The following ZNF143 variants were observed in gnomAD, a reference collection of about 807,000 sequenced individuals.
The protein encoded by ZNF143 is zinc finger protein 143.
Under a neutral mutation model 74.1 loss-of-function variants are expected in ZNF143, and 49 were observed. That is an observed-to-expected ratio of 0.66 (90% CI 0.53 to 0.84). The LOEUF is 0.84. Among genes scored for constraint, ZNF143 ranks in the 40% least tolerant of loss-of-function variants. The pLI is 0.00. For synonymous variants in ZNF143, 304 were observed against 282.8 expected (o/e 1.07, Z -0.75); for missense variants, 637 against 793.4 (o/e 0.80, Z 2.37).
chr11:9,512,119 T>G (rs1565061584), intron 12 of ZNF143, among the ~76,000 whole-genome samples: 2 of 152,178 alleles, frequency 1.3e-5, no homozygotes. Context: ...ATTTGCTAGT[T>G]TTCCTGTACA....
chr11:9,466,903 TG>T (rs1311053662), intron 1 of ZNF143, among the ~76,000 whole-genome samples: 1 of 151,612 alleles, frequency 6.6e-6, no homozygotes, highest in Admixed American at 6.6e-5. Context: ...TGTGTGTGTG[TG>T]TTTTTTTGAC....
chr11:9,485,843 T>C (rs558370055), intron 7 of ZNF143, among the ~76,000 whole-genome samples: 3 of 151,662 alleles, frequency 2.0e-5, no homozygotes, highest in Admixed American at 6.6e-5. Flanking sequence ...TTGTAAGTTA[T>C]AGCTGCCATG....
At chr11:9,496,493 G>GT in intron 9 of ZNF143, 115 bp downstream of exon 9, 1 of 834,004 alleles carries the variant, frequency 1.2e-6, no homozygotes, top group Non-Finnish European at 2.0e-6. Context: ...CACATGATCA[G>GT]TTTTTCAGTC....
At chr11:9,496,844 C>T (rs1292557301) in intron 9 of ZNF143, among the ~76,000 whole-genome samples, 8 of 151,988 alleles carry the variant, frequency 5.3e-5, no homozygotes, top group Non-Finnish European at 8.8e-5. Context: ...GTAATCCGTC[C>T]GCCTCGGCCT....
chr11:9,465,210 G>A (rs946289642), intron 1 of ZNF143, among the ~76,000 whole-genome samples: 13 of 151,894 alleles, frequency 8.6e-5, no homozygotes, highest in East Asian at 1.9e-4. Context: ...GTTTTGAGAC[G>A]GAGTCTTACT....
chr11:9,528,483 A>G lies in ZNF143; in HGVS notation c.*870A>G, dbSNP rs1458818756. The stretch of plus-strand genomic sequence containing the variant: ...TTGTTTTAAAGCTTATTTACCCCAA[A>G]GTTTATTATTAATTTTGAATACAGC... On this transcript the variant is annotated 3_prime_UTR_variant, in exon 16 of 16. Transcript: ENST00000396602. 2.0e-5 allele frequency: 3 copies of G among 152,078 alleles called. No homozygotes were observed. Among genetic ancestry groups the G allele is most frequent in the African/African-American group, 7.2e-5 (3 of 41,402 alleles). The allele number at this position is 152,078 out of a possible 1,614,324, so 9.4% of individuals were successfully genotyped here. A position where few individuals can be genotyped will look rare whatever the true frequency, so the allele number is the denominator to read the frequency against.
At chr11:9,463,339 C>T (rs1297476057) in intron 1 of ZNF143, among the ~76,000 whole-genome samples, 1 of 152,156 alleles carries the variant, frequency 6.6e-6, no homozygotes, top group East Asian at 1.9e-4. Flanking sequence ...TATGTTCAAC[C>T]TTTTGAGGTA....
intron 1 of ZNF143, among the ~76,000 whole-genome samples, chr11:9,462,411 A>G (rs541992709): frequency 6.6e-6 from 1 of 151,948 alleles, no homozygotes; most frequent in Non-Finnish European, 1.5e-5. Context: ...TACAAAAAAA[A>G]TTTTTTTTAA....
At chr11:9,521,578 T>G (rs1257396587) in intron 14 of ZNF143, among the ~76,000 whole-genome samples, 1 of 151,624 alleles carries the variant, frequency 6.6e-6, no homozygotes, top group African/African-American at 2.4e-5. Flanking sequence ...TTTGTTTTTT[T>G]TTTGTTGTTG....
intron 12 of ZNF143, among the ~76,000 whole-genome samples, chr11:9,510,607 A>G (rs1848507252): frequency 6.6e-6 from 1 of 152,216 alleles, no homozygotes; most frequent in Non-Finnish European, 1.5e-5. Context: ...AACAGAACAA[A>G]AAGGAATGAA....
intron 1 of ZNF143, among the ~76,000 whole-genome samples, chr11:9,470,146 G>A (rs957881099): frequency 1.3e-5 from 2 of 152,204 alleles, no homozygotes; most frequent in Non-Finnish European, 2.9e-5. Flanking sequence ...GTCCACAGAG[G>A]TAAGGAGACC....
At chr11:9,469,970 A>G (rs926275710) in intron 1 of ZNF143, among the ~76,000 whole-genome samples, 2 of 152,216 alleles carry the variant, frequency 1.3e-5, no homozygotes, top group African/African-American at 4.8e-5. Context: ...GCAATCCTAA[A>G]CGTAAAAAGA....
At chr11:9,472,583 G>A in intron 2 of ZNF143, 94 bp from the exon 3 acceptor site, 1 of 1,123,538 alleles carries the variant, frequency 8.9e-7, no homozygotes, top group Non-Finnish European at 1.3e-6. Flanking sequence ...GAGTTAAGCA[G>A]TTTACCTTTT....
At chr11:9,475,751 G>T (rs1319303649) in intron 5 of ZNF143, among the ~76,000 whole-genome samples, 1 of 152,106 alleles carries the variant, frequency 6.6e-6, no homozygotes, top group African/African-American at 2.4e-5. Flanking sequence ...ACAAAAATTA[G>T]CCAGTTGTGG....
intron 7 of ZNF143, among the ~76,000 whole-genome samples, chr11:9,486,491 G>T (rs1847556714): frequency 9.7e-6 from 1 of 102,800 alleles, no homozygotes; most frequent in Non-Finnish European, 1.9e-5. Flanking sequence ...TGAGGTATCA[G>T]GAATCCTGTC....
At chr11:9,465,163 C>T (rs1414775412) in intron 1 of ZNF143, among the ~76,000 whole-genome samples, 2 of 152,048 alleles carry the variant, frequency 1.3e-5, no homozygotes, top group African/African-American at 4.8e-5. Context: ...ATTTGTTAAG[C>T]TATTGGGACT....
chr11:9,464,024 T>C (rs1856031646), intron 1 of ZNF143, among the ~76,000 whole-genome samples: 2 of 152,138 alleles, frequency 1.3e-5, no homozygotes, highest in South Asian at 4.1e-4. Flanking sequence ...CTGTTTCAGA[T>C]AGATAGATCT....
At chr11:9,492,762 A>G (rs1280262721) in intron 7 of ZNF143, among the ~76,000 whole-genome samples, 1 of 152,216 alleles carries the variant, frequency 6.6e-6, no homozygotes, top group Non-Finnish European at 1.5e-5. Context: ...ACTGTGAGTT[A>G]TGAAGGCATA....
In ZNF143 at chr11:9,517,238, G is replaced by A. The variant is rs927784887; in HGVS notation, c.1686+876G>A. On this transcript the variant is annotated intron_variant, in intron 14 of 15. Coordinates refer to ENST00000396602, the MANE Select transcript of ZNF143 (RefSeq NM_003442.6). ...AAACTAGTCTGTTCTGCATCTTGTT[G>A]TTGTCTTTTAAACTTAACATCTTCA... 4.0e-5 allele frequency among the ~76,000 whole-genome samples: 6 copies of A among 150,984 alleles called. No homozygotes were observed. The South Asian group carries it at 1.3e-3, about 32-fold the overall frequency.
Sources: allele counts gnomAD v4.1 joint callset (sites outside exome capture counted in the v4.1 genomes callset), GRCh38; gene constraint gnomAD v4.1.1; transcripts MANE v1.5; gene names NCBI Gene and HGNC (gene_info 2026-07-23, HGNC 2026-07-21).